ACBD3: variants seen among roughly 807,000 people sequenced by gnomAD.
The protein encoded by ACBD3 is acyl-CoA binding domain containing 3, also known as Golgi resident protein GCP60.
Under a neutral mutation model 66.9 loss-of-function variants are expected in ACBD3, and 30 were observed. That is an observed-to-expected ratio of 0.45 (90% CI 0.34 to 0.61). ACBD3 has a LOEUF of 0.61. Ranked by LOEUF, ACBD3 falls within the 20% of genes least tolerant of loss-of-function variation. The probability of loss-of-function intolerance (pLI) is 0.02; values close to 1 mark genes in which losing one functional copy is unlikely to be tolerated. For synonymous variants in ACBD3, 278 were observed against 259.8 expected, an observed-to-expected ratio of 1.07 and a Z score of -0.68; for missense variants, 544 against 664.5, an observed-to-expected ratio of 0.82 and a Z score of 1.99.
chr1:226,150,829 T>C (rs981513084), intron 7 of ACBD3, among the ~76,000 whole-genome samples: 1 of 152,216 alleles, frequency 6.6e-6, no homozygotes, highest in Non-Finnish European at 1.5e-5. Flanking sequence ...ATTTACCAGC[T>C]AGAATCTGGA....
chr1:226,162,279 A>T (rs1659787491), intron 3 of ACBD3, among the ~76,000 whole-genome samples: 1 of 152,078 alleles, frequency 6.6e-6, no homozygotes, highest in African/African-American at 2.4e-5. Context: ...AAAAAAAAAA[A>T]GGTGAATACA....
At chr1:226,181,959 G>A (rs1656179201) in intron 1 of ACBD3, among the ~76,000 whole-genome samples, 1 of 152,170 alleles carries the variant, frequency 6.6e-6, no homozygotes, top group Non-Finnish European at 1.5e-5. Context: ...GGCCGGGCGT[G>A]GTAGCTCATG....
intron 3 of ACBD3, among the ~76,000 whole-genome samples, chr1:226,162,012 T>C (rs563885343): frequency 6.6e-6 from 1 of 152,328 alleles, no homozygotes; most frequent in Admixed American, 6.5e-5. Context: ...TCCTTCATAA[T>C]ACCTGCTGTC....
chr1:226,152,897 A>G (rs1473422677), intron 6 of ACBD3, among the ~76,000 whole-genome samples: 1 of 152,204 alleles, frequency 6.6e-6, no homozygotes, highest in African/African-American at 2.4e-5. Context: ...CACTCCCTCT[A>G]TGGGGATTCA....
At position 226,170,821 on chromosome 1, in the gene ACBD3, C is replaced by T. The variant is rs573932773; in HGVS notation, c.287-4821G>A. ...TTGAGACAGGTTCTCACTCTGTCAC[C>T]CAGGCTGGAGGGCAGTGGCACGATC... On this transcript the variant is annotated intron_variant, in intron 1 of 7. Transcript: ENST00000366812. Among the ~76,000 whole-genome samples the T allele has an allele frequency of 2.6e-5, 4 of 152,196 alleles. No homozygotes were observed. In the South Asian group the frequency reaches 6.2e-4, roughly 24 times the overall value.
chr1:226,170,848 C>G (rs1416132012), intron 1 of ACBD3, among the ~76,000 whole-genome samples: 1 of 152,110 alleles, frequency 6.6e-6, no homozygotes, highest in Non-Finnish European at 1.5e-5. Flanking sequence ...GGCACGATCA[C>G]AGCTCACTGC....
At chr1:226,150,744 C>T (rs1212643906) in intron 7 of ACBD3, among the ~76,000 whole-genome samples, 1 of 152,108 alleles carries the variant, frequency 6.6e-6, no homozygotes, top group Admixed American at 6.6e-5. Context: ...AATGCTTTGC[C>T]TTGCTGGTGG....
At chr1:226,161,416 C>A (rs1450694861) in intron 4 of ACBD3, 115 bp downstream of exon 4, 1 of 1,478,034 alleles carries the variant, frequency 6.8e-7, no homozygotes, top group African/African-American at 1.4e-5. Context: ...CCTCCGCCTC[C>A]CAAAGTGCTG....
intron 1 of ACBD3, 69 bp downstream of exon 1, chr1:226,186,321 G>T: frequency 6.9e-7 from 1 of 1,447,236 alleles, no homozygotes. Flanking sequence ...AGTCACCCTG[G>T]GGACCACAGC....
At chr1:226,149,527 A>ATTTTTTTTT (rs1558122597) in intron 7 of ACBD3, among the ~76,000 whole-genome samples, 15 of 34,174 alleles carry the variant, frequency 4.4e-4, no homozygotes, top group South Asian at 8.6e-4. Context: ...GCGCCCAGCC[A>ATTTTTTTTT]TCTTTTTTTT....
intron 1 of ACBD3, among the ~76,000 whole-genome samples, chr1:226,175,054 C>G (rs1165545874): frequency 7.7e-6 from 1 of 130,376 alleles, no homozygotes; most frequent in Non-Finnish European, 1.5e-5. Context: ...GAAATTGCCA[C>G]TGTGTTCCAG....
At chr1:226,153,292 G>C (rs1229052792) in intron 6 of ACBD3, among the ~76,000 whole-genome samples, 1 of 152,138 alleles carries the variant, frequency 6.6e-6, no homozygotes, top group African/African-American at 2.4e-5. Flanking sequence ...AAAAGGGAAG[G>C]GGGCAGTAAA....
intron 1 of ACBD3, among the ~76,000 whole-genome samples, chr1:226,177,352 C>A (rs1202958580): frequency 1.4e-5 from 2 of 140,726 alleles, no homozygotes; most frequent in Non-Finnish European, 3.1e-5. Context: ...TGGCCACCAC[C>A]ACTCTTGGCT....
chr1:226,153,413 T>C (rs1659614539), intron 6 of ACBD3, among the ~76,000 whole-genome samples: 1 of 152,224 alleles, frequency 6.6e-6, no homozygotes, highest in Non-Finnish European at 1.5e-5. Context: ...CTGACCACTG[T>C]CACTGAAATG....
intron 7 of ACBD3, among the ~76,000 whole-genome samples, chr1:226,149,901 A>G (rs375994488): frequency 1.3e-3 from 191 of 152,054 alleles, no homozygotes; most frequent in African/African-American, 4.4e-3. Flanking sequence ...TCCTTCCCAG[A>G]CATCTGCAGA....
In ACBD3 at chr1:226,157,327, C is replaced by T. The variant is rs758652810; in HGVS notation, c.903+1857G>A. 1.2e-4 allele frequency among the ~76,000 whole-genome samples: 18 copies of T among 152,044 alleles called. 1 individual carries two copies. The highest frequency in any genetic ancestry group is 6.8e-3 in the Middle Eastern group (2 of 294). On this transcript the variant is annotated intron_variant, in intron 5 of 7. Transcript: ENST00000366812. ...CAATCTTGGCTCACCGAAACCTCCCCCTCCTGGGTTCAAGTGATTCTCCTG... is the reference window on the plus strand; with the variant it reads ...CAATCTTGGCTCACCGAAACCTCCCTCTCCTGGGTTCAAGTGATTCTCCTG...
At chr1:226,155,744 G>T (rs778279334) in intron 5 of ACBD3, among the ~76,000 whole-genome samples, 5 of 152,146 alleles carry the variant, frequency 3.3e-5, no homozygotes, top group Non-Finnish European at 7.4e-5. Flanking sequence ...CAATGAAATT[G>T]AAAATTGTTA....
chr1:226,170,020 CAAAAAAA>C (rs771896387), intron 1 of ACBD3, among the ~76,000 whole-genome samples: 1 of 74,948 alleles, frequency 1.3e-5, no homozygotes, highest in African/African-American at 5.6e-5. Flanking sequence ...GATTCCATCT[CAAAAAAA>C]AAAAAAAAAA....
intron 4 of ACBD3, among the ~76,000 whole-genome samples, chr1:226,160,236 C>T (rs1458403219): frequency 6.6e-6 from 1 of 152,022 alleles, no homozygotes; most frequent in African/African-American, 2.4e-5. Flanking sequence ...GGATTACAGG[C>T]ACCTGCTACC....
Sources: allele counts gnomAD v4.1 joint callset (sites outside exome capture counted in the v4.1 genomes callset), GRCh38; gene constraint gnomAD v4.1.1; transcripts MANE v1.5; gene names NCBI Gene and HGNC (gene_info 2026-07-23, HGNC 2026-07-21).